Variants in ESRRG observed in about 807,000 individuals in gnomAD.
ESRRG encodes the protein estrogen-related receptor gamma.
Under a neutral mutation model 44.0 loss-of-function variants are expected in ESRRG, and 13 were observed. That is an observed-to-expected ratio of 0.30 (90% CI 0.19 to 0.47). The LOEUF (loss-of-function observed/expected upper bound fraction) is 0.47, where lower values mean the gene tolerates loss of function less well. Ranked by LOEUF, ESRRG falls within the 20% of genes least tolerant of loss-of-function variation. The pLI is 1.00. For missense variants in ESRRG, 395 were observed against 580.6 expected (o/e 0.68, Z 3.29); for synonymous variants, 215 against 214.6 (o/e 1.00, Z -0.02).
intron 1 of ESRRG, among the ~76,000 whole-genome samples, chr1:217,049,184 T>C (rs2085446850): frequency 6.6e-6 from 1 of 152,216 alleles, no homozygotes; most frequent in Non-Finnish European, 1.5e-5. Context: ...GCTATTTCTT[T>C]CTTAGATAAG....
intron 1 of ESRRG, among the ~76,000 whole-genome samples, chr1:217,039,475 A>T (rs2151109633): frequency 6.6e-6 from 1 of 152,290 alleles, no homozygotes; most frequent in South Asian, 2.1e-4. Flanking sequence ...TCTTATGTGG[A>T]TGGCAGCAGG....
At chr1:216,779,545 T>TATAAATATATA (rs2093843060) in intron 2 of ESRRG, among the ~76,000 whole-genome samples, 1 of 36,364 alleles carries the variant, frequency 2.7e-5, no homozygotes, top group African/African-American at 1.3e-4. Flanking sequence ...TATATTTATA[T>TATAAATATATA]ATATAATTAT....
intron 1 of ESRRG, among the ~76,000 whole-genome samples, chr1:217,042,948 G>A (rs1435034626): frequency 6.6e-6 from 1 of 152,012 alleles, no homozygotes; most frequent in Non-Finnish European, 1.5e-5. Context: ...TGTCTTCTCT[G>A]GGACAGGACA....
intron 5 of ESRRG, among the ~76,000 whole-genome samples, chr1:216,542,923 C>A (rs12130540): frequency 2.0e-5 from 3 of 151,726 alleles, no homozygotes; most frequent in East Asian, 3.9e-4. Context: ...TTCTATCTCC[C>A]CCTTCCCCCC....
chr1:216,864,631 T>C (rs2096117100), intron 2 of ESRRG: 3 of 152,146 alleles, frequency 2.0e-5, no homozygotes, highest in Non-Finnish European at 2.9e-5. Flanking sequence ...AAACGTGTTC[T>C]AAGAAGGCAA....
At chr1:216,797,093 T>C (rs558424854) in intron 2 of ESRRG, among the ~76,000 whole-genome samples, 164 of 152,218 alleles carry the variant, frequency 1.1e-3, no homozygotes, top group African/African-American at 3.9e-3. Flanking sequence ...GGTTTCACCA[T>C]GTTGGTCAGC....
rs2090653686 is a variant in ESRRG, at chr1:216,741,193, A to C, written c.-13-63702T>G. Among the ~76,000 whole-genome samples, 7 of 147,568 alleles carry C rather than the reference A, an allele frequency of 4.7e-5. No individual in the cohort carries two copies. The South Asian group carries it at 8.3e-4, about 18-fold the overall frequency. ...GGTCAGGGTAATTTATATTATATTTATATTTATAATTTATATAATTTATAT... is the reference window on the plus strand; with the variant it reads ...GGTCAGGGTAATTTATATTATATTTCTATTTATAATTTATATAATTTATAT... On this transcript the variant is annotated intron_variant, in intron 2 of 7. Coordinates refer to the ESRRG transcript ENST00000359162.
intron 1 of ESRRG, among the ~76,000 whole-genome samples, chr1:217,082,123 G>A (rs897267599): frequency 5.9e-5 from 9 of 152,218 alleles, no homozygotes; most frequent in African/African-American, 2.2e-4. Context: ...GAAACTAGCA[G>A]GTGCCCAGCA....
chr1:216,714,647 A>T (rs931584997), intron 1 of ESRRG: 20 of 651,144 alleles, frequency 3.1e-5, no homozygotes, highest in Non-Finnish European at 3.6e-5. Flanking sequence ...ATAAGAAAAT[A>T]AAGAAATAAA....
intron 1 of ESRRG, among the ~76,000 whole-genome samples, chr1:217,057,814 A>G (rs911801591): frequency 6.6e-6 from 1 of 152,196 alleles, no homozygotes; most frequent in Admixed American, 6.5e-5. Context: ...TGAAAACACT[A>G]TGAGATTTTG....
intron 1 of ESRRG, among the ~76,000 whole-genome samples, chr1:216,714,101 A>T (rs61817047): frequency 0.11 from 17,320 of 152,228 alleles, 1,253 homozygotes; most frequent in Middle Eastern, 0.19. Context: ...TGTAACATTA[A>T]CTTAGCAAAA....
At chr1:216,710,578 G>A (rs2083394328) in intron 1 of ESRRG, among the ~76,000 whole-genome samples, 1 of 152,178 alleles carries the variant, frequency 6.6e-6, no homozygotes, top group Non-Finnish European at 1.5e-5. Flanking sequence ...AGGTGTACAT[G>A]TGAGTCACTA....
At chr1:216,746,450 A>ATAT (rs2091411671) in intron 2 of ESRRG, among the ~76,000 whole-genome samples, 3 of 152,210 alleles carry the variant, frequency 2.0e-5, no homozygotes, top group Middle Eastern at 3.2e-3. Flanking sequence ...TTTATATCCC[A>ATAT]AATAGTATGA....
chr1:216,912,770 A>G (rs1209509659), intron 2 of ESRRG, among the ~76,000 whole-genome samples: 2 of 152,178 alleles, frequency 1.3e-5, no homozygotes, highest in Non-Finnish European at 2.9e-5. Flanking sequence ...ATATATACAC[A>G]CAGTCAGCCT....
At chr1:216,759,450 C>T (rs1368310258) in intron 2 of ESRRG, among the ~76,000 whole-genome samples, 1 of 152,042 alleles carries the variant, frequency 6.6e-6, no homozygotes, top group East Asian at 1.9e-4. Flanking sequence ...ACATGGTTTT[C>T]CCCCCATTCA....
chr1:216,996,605 A>G (rs1560412074), intron 1 of ESRRG, among the ~76,000 whole-genome samples: 1 of 152,186 alleles, frequency 6.6e-6, no homozygotes, highest in Non-Finnish European at 1.5e-5. Context: ...AAAGGTAAAA[A>G]TATTTACAAT....
intron 1 of ESRRG, among the ~76,000 whole-genome samples, chr1:217,117,748 T>A (rs1448198722): frequency 6.6e-6 from 1 of 152,156 alleles, no homozygotes; most frequent in Non-Finnish European, 1.5e-5. Flanking sequence ...TGGCTTTCTC[T>A]TTACCAAACT....
chr1:216,555,516 G>GT (rs2057349844), intron 5 of ESRRG, among the ~76,000 whole-genome samples: 1 of 146,878 alleles, frequency 6.8e-6, no homozygotes, highest in African/African-American at 2.5e-5. Flanking sequence ...GTTCAGCTGA[G>GT]TAATACAGGT....
At chr1:216,812,352 A>G (rs1218404204) in intron 2 of ESRRG, among the ~76,000 whole-genome samples, 1 of 152,240 alleles carries the variant, frequency 6.6e-6, no homozygotes, top group African/African-American at 2.4e-5. Flanking sequence ...TGCAAAAACC[A>G]AATTTAAAAA....
Sources: gnomAD v4.1 joint callset for allele counts (sites outside exome capture counted in the v4.1 genomes callset) on GRCh38, gnomAD v4.1.1 for gene constraint, MANE v1.5 for transcripts, NCBI Gene and HGNC (gene_info 2026-07-23, HGNC 2026-07-21) for gene names.